SEL1L: variants seen among roughly 807,000 people sequenced by gnomAD.
The protein encoded by SEL1L is protein sel-1 homolog 1.
SEL1L carries 52 observed loss-of-function variants against 109.8 expected under a neutral mutation model. That is an observed-to-expected ratio of 0.47 (90% confidence interval 0.38 to 0.60). The LOEUF is 0.60. SEL1L is among the 20% of genes least tolerant of loss of function. The probability of loss-of-function intolerance (pLI) is 0.00; values close to 1 mark genes in which losing one functional copy is unlikely to be tolerated. For missense variants in SEL1L, 749 were observed against 962.2 expected (o/e 0.78, Z 2.93); for synonymous variants, 373 against 339.6 (o/e 1.10, Z -1.08).
chr14:81,498,771 T>G (rs966402689), intron 8 of SEL1L: 1 of 251,114 alleles, frequency 4.0e-6, no homozygotes, highest in Non-Finnish European at 7.5e-6. Context: ...ATTTTACTCA[T>G]AAGAGAAAAA....
At chr14:81,506,593 CCTT>C (rs1884249298) in intron 3 of SEL1L, among the ~76,000 whole-genome samples, 3 of 152,194 alleles carry the variant, frequency 2.0e-5, no homozygotes, top group Non-Finnish European at 2.9e-5. Context: ...GCACAGCTCT[CCTT>C]GTTTCTGAAT....
Position 81,533,707 on chromosome 14 carries a change from G to A in SEL1L, c.38C>T (p.Ala13Val), listed in dbSNP as rs1350754851. ...CGCCGAGGCCAAGCTCAGCAGCACC[G>A]CACACAGCAGCAGCGTCAGCCCTAT... ...VRIGLTLLLC[A>V]VLLSLASASS... is the part of the protein sequence containing the mutation. Residue 13 changes from alanine (A) to valine (V), a missense_variant, in exon 1 of 21, where the codon GCG becomes GTG. Ala to Val is a moderately conservative substitution (Grantham distance 64). Transcript: ENST00000336735. The A allele has an allele frequency of 1.2e-6, 2 of 1,613,444 alleles. No homozygotes were observed. Among genetic ancestry groups the A allele is most frequent in the South Asian group, 1.1e-5 (1 of 91,064 alleles).
At chr14:81,501,225 T>C (rs1883993004) in intron 6 of SEL1L, among the ~76,000 whole-genome samples, 1 of 152,164 alleles carries the variant, frequency 6.6e-6, no homozygotes, top group Non-Finnish European at 1.5e-5. Flanking sequence ...ACATCAAATC[T>C]AGCATGAGCA....
chr14:81,514,396 A>G (rs1884614778), intron 3 of SEL1L, among the ~76,000 whole-genome samples: 1 of 152,194 alleles, frequency 6.6e-6, no homozygotes, highest in Admixed American at 6.5e-5. Flanking sequence ...ACATCTTTAT[A>G]GGACATGGGT....
chr14:81,472,641 G>A lies in SEL1L; in HGVS notation c.*4331C>T, dbSNP rs1335381389. The stretch of plus-strand genomic sequence containing the variant: ...AATAATATTATAATCAGGCTAAAGT[G>A]AATCACGCTTACTACATATCAAGGC... On this transcript the variant is annotated 3_prime_UTR_variant, in exon 21 of 21. Coordinates refer to ENST00000336735, the MANE Select transcript of SEL1L (RefSeq NM_005065.6). 2 of 439,078 alleles carry A rather than the reference G, an allele frequency of 4.6e-6. No individual in the cohort carries two copies. The highest frequency in any genetic ancestry group is 9.0e-6 in the Non-Finnish European group (2 of 222,312). 27.2% of individuals were successfully genotyped at this position (439,078 alleles called of 1,614,324 possible).
In SEL1L at chr14:81,475,685, T is replaced by C. The variant is rs1903138556; in HGVS notation, c.*1287A>G. On this transcript the variant is annotated 3_prime_UTR_variant, in exon 21 of 21. Coordinates refer to ENST00000336735, the MANE Select transcript of SEL1L (RefSeq NM_005065.6). ...GTTTAAGCTTTAATTATTTCACGTG[T>C]GTAATTATGTGAAACTCTTCAGTTT... 2 of 152,198 alleles carry C rather than the reference T, an allele frequency of 1.3e-5. No individual in the cohort carries two copies. Among genetic ancestry groups the C allele is most frequent in the Non-Finnish European group, 1.5e-5 (1 of 68,036 alleles). The allele number at this position is 152,198 out of a possible 1,614,324, so 9.4% of individuals were successfully genotyped here.
chr14:81,531,907 T>C (rs907988175), intron 1 of SEL1L, among the ~76,000 whole-genome samples: 1 of 152,186 alleles, frequency 6.6e-6, no homozygotes. Flanking sequence ...AGCATGCACA[T>C]CTACATTGTT....
At chr14:81,499,727 C>G in intron 6 of SEL1L, 65 bp from the exon 7 acceptor site, 1 of 1,315,794 alleles carries the variant, frequency 7.6e-7, no homozygotes, top group Non-Finnish European at 1.1e-6. Flanking sequence ...CAGACACAGA[C>G]AGACACAGTT....
chr14:81,513,238 G>T lies in SEL1L; in HGVS notation c.341-6997C>A, dbSNP rs1452960459. ...GCAGGACATGGGCAGGGCCAAATAAGGGAATAAAAGCTGGCCACCTGAGCC... is the reference window on the plus strand; with the variant it reads ...GCAGGACATGGGCAGGGCCAAATAATGGAATAAAAGCTGGCCACCTGAGCC... On this transcript the variant is annotated intron_variant, in intron 3 of 20. Coordinates refer to ENST00000336735, the MANE Select transcript of SEL1L (RefSeq NM_005065.6). Among the ~76,000 whole-genome samples, 4 of 152,292 alleles carry T rather than the reference G, an allele frequency of 2.6e-5. No individual in the cohort carries two copies. The East Asian group carries it at 7.7e-4, about 29-fold the overall frequency.
At position 81,499,670 on chromosome 14, in the gene SEL1L, AGAT is replaced by A; in HGVS notation, c.778-11_778-9del. 6.2e-7 allele frequency: 1 copy of A among 1,600,038 alleles called. No individual in the cohort carries two copies. The highest frequency in any genetic ancestry group is 1.8e-5 in the Admixed American group (1 of 56,278). On this transcript the variant is annotated splice_polypyrimidine_tract_variant and intron_variant, in intron 6 of 20. Coordinates refer to ENST00000336735, the MANE Select transcript of SEL1L (RefSeq NM_005065.6). ...ATACAGAAAGCCAAGAGCCTGAAAT[AGAT>A]GATAAAAGTAAGAAATCTTGCTTTG... is the stretch of plus-strand genomic sequence containing the variant.
chr14:81,524,310 A>C (rs1204802174), intron 3 of SEL1L, among the ~76,000 whole-genome samples: 2 of 152,212 alleles, frequency 1.3e-5, no homozygotes, highest in Non-Finnish European at 2.9e-5. Flanking sequence ...AACATCAGTA[A>C]AAGTGGAAAA....
chr14:81,489,073 G>T, intron 14 of SEL1L, 179 bp downstream of exon 14: 1 of 651,814 alleles, frequency 1.5e-6, no homozygotes. Flanking sequence ...TAAGACAGTT[G>T]AGATGGTGTC....
chr14:81,490,402 T>C lies in SEL1L; in HGVS notation c.1318A>G (p.Lys440Glu). 1 of 1,613,400 alleles carries C rather than the reference T, an allele frequency of 6.2e-7. No homozygotes were observed. Among genetic ancestry groups the C allele is most frequent in the Non-Finnish European group, 8.5e-7 (1 of 1,179,378 alleles). The change falls in exon 13 of 21, where the codon AAA (lysine) becomes GAA (glutamate). Residue 440 changes from lysine (K) to glutamate (E), a missense_variant. By Grantham distance (56) the Lys-to-Glu change is moderately conservative. Around this residue, in one of 2 missense-constraint regions of SEL1L, gnomAD observed 383 missense variants for 562.5 expected, o/e 0.68. Transcript: ENST00000336735. Reference sequence around the variant, plus strand: ...CAAAGCCTTACCATGTCAGCAGCTTTCTTAAAGTAGTGGAGAGCTGTCTCA... The same window carrying C: ...CAAAGCCTTACCATGTCAGCAGCTTCCTTAAAGTAGTGGAGAGCTGTCTCA... ...SNETALHYFKKAADMGNPVGQ... is the reference protein window; with the variant it reads ...SNETALHYFKEAADMGNPVGQ...
Position 81,526,803 on chromosome 14 carries a change from A to G in SEL1L, c.270T>C (p.Asp90=). ...GATTTGGAGACTCTAGAAAGCTGATATCTTCTGTGACACTTTCCCCCTCTT... is the reference window on the plus strand; with the variant it reads ...GATTTGGAGACTCTAGAAAGCTGATGTCTTCTGTGACACTTTCCCCCTCTT... ...KSQEGESVTE[D]ISFLESPNPE... Residue 90 remains aspartate (D), a synonymous_variant, in exon 3 of 21, where the codon GAT becomes GAC. Coordinates refer to ENST00000336735, the MANE Select transcript of SEL1L (RefSeq NM_005065.6). The G allele has an allele frequency of 6.2e-7, 1 of 1,607,960 alleles. No homozygotes were observed. Among genetic ancestry groups the G allele is most frequent in the Non-Finnish European group, 8.5e-7 (1 of 1,178,330 alleles).
At chr14:81,510,472 A>ATATCTC (rs1555346553) in intron 3 of SEL1L, among the ~76,000 whole-genome samples, 1 of 118,884 alleles carries the variant, frequency 8.4e-6, no homozygotes, top group Non-Finnish European at 1.7e-5. Flanking sequence ...TAGAATGCTG[A>ATATCTC]TCTCTCTCTC....
intron 16 of SEL1L, among the ~76,000 whole-genome samples, chr14:81,486,975 T>C (rs1390476488): frequency 8.6e-5 from 13 of 151,762 alleles, no homozygotes; most frequent in African/African-American, 3.1e-4. Flanking sequence ...TCTTTCTTTT[T>C]TTTTTTTTTT....
At chr14:81,488,846 A>G (rs1288906505) in intron 14 of SEL1L, 1 of 230,970 alleles carries the variant, frequency 4.3e-6, no homozygotes, top group Admixed American at 5.8e-5. Context: ...CTGGGAGAAG[A>G]CAGGTGGTAG....
intron 13 of SEL1L, 35 bp downstream of exon 13, chr14:81,490,352 TG>T: frequency 6.9e-7 from 1 of 1,441,852 alleles, no homozygotes; most frequent in South Asian, 1.2e-5. Context: ...ATTAGTAATA[TG>T]GTACACATTT....
chr14:81,479,951 T>C (rs1244307000), intron 19 of SEL1L, among the ~76,000 whole-genome samples: 1 of 152,230 alleles, frequency 6.6e-6, no homozygotes, highest in African/African-American at 2.4e-5. Context: ...AAAACTCATT[T>C]TCCCCCAACA....
Sources: allele counts gnomAD v4.1 joint callset (sites outside exome capture counted in the v4.1 genomes callset), GRCh38; gene constraint gnomAD v4.1.1; regional missense constraint gnomAD v4.1.1; transcripts MANE v1.5; gene names NCBI Gene and HGNC (gene_info 2026-07-23, HGNC 2026-07-21).